Variants in PARP6 observed in about 807,000 individuals in gnomAD.
The protein encoded by PARP6 is poly(ADP-ribose) polymerase family member 6.
In PARP6, 27 loss-of-function variants were observed where a neutral mutation model predicts 92.0. The ratio of observed to expected loss-of-function variants is 0.29; its 90% CI spans 0.22 to 0.40. PARP6 has a LOEUF of 0.40. Ranked by LOEUF, PARP6 falls within the 10% of genes least tolerant of loss-of-function variation. PARP6 has a pLI of 1.00. For missense variants in PARP6, 501 were observed against 784.5 expected (o/e 0.64, Z 4.32); for synonymous variants, 272 against 281.2 (o/e 0.97, Z 0.33).
intron 3 of PARP6, 64 bp downstream of exon 3, chr15:72,267,411 A>C: frequency 1.3e-6 from 2 of 1,562,114 alleles, no homozygotes; most frequent in Non-Finnish European, 1.8e-6. Context: ...AAAGGGTGAG[A>C]TCTGCACTTT....
chr15:72,261,816 T>C (rs1392977579), intron 8 of PARP6, 109 bp from the exon 9 acceptor site: 5 of 1,040,286 alleles, frequency 4.8e-6, no homozygotes, highest in East Asian at 2.4e-5. Flanking sequence ...GCAAAGCTAG[T>C]TGTGGTAGGG....
chr15:72,252,100 T>C (rs1258761976), intron 16 of PARP6, among the ~76,000 whole-genome samples: 1 of 152,028 alleles, frequency 6.6e-6, no homozygotes, highest in Non-Finnish European at 1.5e-5. Context: ...GAAATTGAGA[T>C]CAGGAATGGA....
At chr15:72,260,061 C>T (rs2085653123) in intron 10 of PARP6, among the ~76,000 whole-genome samples, 1 of 152,198 alleles carries the variant, frequency 6.6e-6, no homozygotes, top group Non-Finnish European at 1.5e-5. Context: ...GTGGCTCGTG[C>T]CTGTAATCCC....
intron 18 of PARP6, chr15:72,250,515 T>G: frequency 3.0e-6 from 1 of 331,240 alleles, no homozygotes; most frequent in South Asian, 3.9e-5. Context: ...ATACCTCTCT[T>G]TCTCTTTCCC....
intron 1 of PARP6, among the ~76,000 whole-genome samples, chr15:72,271,649 C>T (rs916239291): frequency 2.2e-4 from 34 of 152,274 alleles, no homozygotes; most frequent in African/African-American, 7.9e-4. Context: ...TTGGACAGGT[C>T]CTAATTACAT....
At position 72,265,330 on chromosome 15, in the gene PARP6, C is replaced by T. The variant is rs774140534; in HGVS notation, c.237+83G>A. ...AAGAATATGTGCTCCAAATACAGCA[C>T]TCGGGAACAAGACTCCTGGCCTACA... On this transcript the variant is annotated intron_variant, in intron 6 of 23. Coordinates refer to ENST00000569795, the MANE Select transcript of PARP6 (RefSeq NM_001323532.2). 59 of 1,253,334 alleles carry T rather than the reference C, an allele frequency of 4.7e-5. No homozygotes were observed. The African/African-American group carries it at 7.8e-4, about 17-fold the overall frequency. 77.6% of individuals were successfully genotyped at this position (1,253,334 alleles called of 1,614,324 possible).
chr15:72,260,819 T>C (rs1197905355), intron 9 of PARP6, 131 bp from the exon 10 acceptor site: 6 of 708,836 alleles, frequency 8.5e-6, no homozygotes, highest in Non-Finnish European at 7.6e-6. Context: ...CTGAGGAAAG[T>C]TGCATTGTAT....
chr15:72,256,591 CT>C lies in PARP6; in HGVS notation c.1000-2del. On this transcript the variant is annotated splice_acceptor_variant, in intron 13 of 23. Coordinates refer to ENST00000569795, the MANE Select transcript of PARP6 (RefSeq NM_001323532.2). LOFTEE classifies it high-confidence loss of function. ...ACATGGCCACCAGCAGATCCACCAC[CT>C]TAGGGGAAAGGAAAAAAAACAGGGC... 1 of 1,537,336 alleles carries C rather than the reference CT, an allele frequency of 6.5e-7. No homozygotes were observed. Among genetic ancestry groups the C allele is most frequent in the South Asian group, 1.3e-5 (1 of 79,460 alleles).
At chr15:72,263,680 C>G (rs1374914500) in intron 8 of PARP6, among the ~76,000 whole-genome samples, 2 of 152,136 alleles carry the variant, frequency 1.3e-5, no homozygotes, top group African/African-American at 4.8e-5. Context: ...AAATGTTATT[C>G]ACCCTCAGAA....
chr15:72,256,598 G>T lies in PARP6; in HGVS notation c.1000-8C>A. On this transcript the variant is annotated splice_polypyrimidine_tract_variant and splice_region_variant and intron_variant, in intron 13 of 23. Transcript: ENST00000569795. ...CACCAGCAGATCCACCACCTTAGGG[G>T]AAAGGAAAAAAAACAGGGCAGAAGC... 6.6e-7 allele frequency: 1 copy of T among 1,523,900 alleles called. No individual in the cohort carries two copies. Among genetic ancestry groups the T allele is most frequent in the South Asian group, 1.3e-5 (1 of 77,498 alleles). The allele number at this position is 1,523,900 out of a possible 1,614,324, so 94.4% of individuals were successfully genotyped here.
intron 2 of PARP6, among the ~76,000 whole-genome samples, chr15:72,270,585 A>G (rs765290070): frequency 3.3e-5 from 5 of 152,116 alleles, no homozygotes; most frequent in Non-Finnish European, 5.9e-5. Context: ...ATTCCCAAGC[A>G]TATTCCCGCC....
In PARP6 at chr15:72,242,685, G is replaced by T; in HGVS notation, c.1576C>A (p.Gln526Lys). 6.2e-7 allele frequency: 1 copy of T among 1,606,882 alleles called. No individual in the cohort carries two copies. Among genetic ancestry groups the T allele is most frequent in the Non-Finnish European group, 8.5e-7 (1 of 1,176,380 alleles). The change falls in exon 21 of 24, where the codon CAG (glutamine) becomes AAG (lysine). Residue 526 changes from glutamine to lysine, a missense_variant. Around this residue, in one of 4 missense-constraint regions of PARP6, gnomAD observed 191 missense variants for 399.1 expected, o/e 0.48. Coordinates refer to ENST00000569795, the MANE Select transcript of PARP6 (RefSeq NM_001323532.2). The surrounding 1 kb of genome is among the most constrained non-coding windows in gnomAD (Gnocchi z 4.3). ...TCATCCTTGGAGGGCATCCTGTGCT[G>T]TCCTTTTCCCATTCCTGTCACAGAA... ...SFGYSGMGKG[Q>K]HRMPSKDELV...
chr15:72,259,974 T>C (rs1045542501), intron 10 of PARP6, among the ~76,000 whole-genome samples: 3 of 152,232 alleles, frequency 2.0e-5, no homozygotes, highest in Non-Finnish European at 4.4e-5. Context: ...CTGTGCTTCA[T>C]GGCCTATCAG....
intron 20 of PARP6, among the ~76,000 whole-genome samples, chr15:72,248,766 G>A (rs1325270609): frequency 6.6e-6 from 1 of 152,186 alleles, no homozygotes; most frequent in Non-Finnish European, 1.5e-5. Context: ...TGCATTCAAT[G>A]TGACTAACAT....
chr15:72,245,720 G>A (rs1309003240), intron 20 of PARP6: 2 of 152,206 alleles, frequency 1.3e-5, no homozygotes. Context: ...AGAGGGAGAT[G>A]AAAGGTGTCT....
chr15:72,254,548 A>G (rs1404446405), intron 14 of PARP6, 28 bp from the exon 15 acceptor site: 1 of 1,578,336 alleles, frequency 6.3e-7, no homozygotes, highest in Non-Finnish European at 8.7e-7. Context: ...GAAGAGAAGA[A>G]CCAAATAAAG....
intron 20 of PARP6, among the ~76,000 whole-genome samples, chr15:72,248,416 A>G (rs1302624453): frequency 6.6e-6 from 1 of 151,384 alleles, no homozygotes. Context: ...ATCTCAGCTC[A>G]CTGCAACCTC....
chr15:72,253,042 G>A (rs1169184319), intron 16 of PARP6, among the ~76,000 whole-genome samples: 1 of 151,758 alleles, frequency 6.6e-6, no homozygotes. Flanking sequence ...AGCTGGGTGT[G>A]GTGGCACATG....
At chr15:72,256,422 T>C in intron 14 of PARP6, 43 bp downstream of exon 14, 1 of 1,456,014 alleles carries the variant, frequency 6.9e-7, no homozygotes. Context: ...CACTATCTTT[T>C]ATCATTTCTG....
Sources: gnomAD v4.1 joint callset for allele counts (sites outside exome capture counted in the v4.1 genomes callset) on GRCh38, gnomAD v4.1.1 for gene constraint, gnomAD v4.1.1 regional missense constraint, Gnocchi (gnomAD v3.1) non-coding constraint, MANE v1.5 for transcripts, NCBI Gene and HGNC (gene_info 2026-07-23, HGNC 2026-07-21) for gene names.